Variants in SYNJ2BP observed in about 807,000 individuals in gnomAD.
SYNJ2BP encodes synaptojanin 2 binding protein.
SYNJ2BP carries 10 observed loss-of-function variants against 16.9 expected under a neutral mutation model. That is an observed-to-expected ratio of 0.59 (90% CI 0.36 to 1.00). The LOEUF is 1.00. Among genes scored for constraint, SYNJ2BP ranks in the 50% least tolerant of loss-of-function variants. The pLI is 0.01. For synonymous variants in SYNJ2BP, 54 were observed against 68.4 expected (o/e 0.79, Z 1.04); for missense variants, 162 against 186.7 (o/e 0.87, Z 0.77).
chr14:70,405,937 T>C (rs1365377275), intron 1 of SYNJ2BP, among the ~76,000 whole-genome samples: 1 of 152,244 alleles, frequency 6.6e-6, no homozygotes, highest in Non-Finnish European at 1.5e-5. Flanking sequence ...CTTTCAATTA[T>C]CACCTTGACT....
At chr14:70,375,539 C>G (rs1421473800) in intron 3 of SYNJ2BP, 137 bp downstream of exon 3, 2 of 1,113,200 alleles carry the variant, frequency 1.8e-6, no homozygotes, top group African/African-American at 3.2e-5. Context: ...CCAATGGACC[C>G]CTCCCTTTGC....
chr14:70,411,107 G>GA (rs922674484), intron 1 of SYNJ2BP, among the ~76,000 whole-genome samples: 9 of 151,336 alleles, frequency 5.9e-5, no homozygotes, highest in East Asian at 1.9e-4. Flanking sequence ...AAAGCATATA[G>GA]AAAAAAAAAG....
chr14:70,370,539 C>A lies in SYNJ2BP; in HGVS notation c.*2452G>T, dbSNP rs17566814. The A allele has an allele frequency of 0.071, 10,883 of 152,224 alleles. 557 individuals carry two copies. The highest frequency in any genetic ancestry group is 0.11 in the Non-Finnish European group (7,251 of 68,020). The allele number at this position is 152,224 out of a possible 1,614,324, so 9.4% of individuals were successfully genotyped here. ...GTTTCTCCCTATACCAGTAGTGACC[C>A]AGAGGCAAGGTCTTACCGGACCTCT... is the stretch of plus-strand genomic sequence containing the variant. On this transcript the variant is annotated 3_prime_UTR_variant, in exon 4 of 4. Coordinates refer to ENST00000256366, the MANE Select transcript of SYNJ2BP (RefSeq NM_018373.3).
chr14:70,376,734 A>C (rs1363135295), intron 2 of SYNJ2BP, among the ~76,000 whole-genome samples: 1 of 152,208 alleles, frequency 6.6e-6, no homozygotes. Context: ...AAGCTCAGTG[A>C]GATTTGTGCT....
chr14:70,395,239 T>A (rs913101555), intron 1 of SYNJ2BP, among the ~76,000 whole-genome samples: 4 of 152,224 alleles, frequency 2.6e-5, no homozygotes, highest in Non-Finnish European at 5.9e-5. Context: ...TCATTCAGAT[T>A]CTTATCTACA....
intron 1 of SYNJ2BP, among the ~76,000 whole-genome samples, chr14:70,395,279 G>A (rs1463952128): frequency 6.6e-6 from 1 of 152,192 alleles, no homozygotes. Context: ...TAAATGACCA[G>A]TGTTAACCTG....
At chr14:70,406,914 A>G (rs1475431955) in intron 1 of SYNJ2BP, among the ~76,000 whole-genome samples, 1 of 152,150 alleles carries the variant, frequency 6.6e-6, no homozygotes, top group Non-Finnish European at 1.5e-5. Context: ...CTCTTTCTCT[A>G]TTGCAATTCC....
intron 1 of SYNJ2BP, among the ~76,000 whole-genome samples, chr14:70,411,729 G>T (rs190666000): frequency 6.6e-6 from 1 of 152,294 alleles, no homozygotes; most frequent in East Asian, 1.9e-4. Flanking sequence ...CCATTTTAAT[G>T]GTTCTCAGCA....
At position 70,416,953 on chromosome 14, in the gene SYNJ2BP, C is replaced by T. The variant is rs200112970; in HGVS notation, c.11G>A (p.Arg4Lys). The T allele has an allele frequency of 1.8e-4, 291 of 1,614,066 alleles. No homozygotes were observed. Among genetic ancestry groups the T allele is most frequent in the Non-Finnish European group, 2.0e-4 (235 of 1,180,044 alleles). Residue 4 changes from arginine (R) to lysine (K), a missense_variant, in exon 1 of 4, where the codon AGA (arginine) becomes AAA (lysine). Transcript: ENST00000256366. ...TTCCTCAGTGACCAAATAATCCACT[C>T]TTCCGTTCATGTTTTACAGCTCGTC... MNG[R>K]VDYLVTEEEI...
chr14:70,395,479 C>G (rs989436625), intron 1 of SYNJ2BP, among the ~76,000 whole-genome samples: 1 of 150,080 alleles, frequency 6.7e-6, no homozygotes, highest in Non-Finnish European at 1.5e-5. Context: ...GATACACAAC[C>G]CCCCTGTCTG....
chr14:70,415,070 G>A (rs1888572165), intron 1 of SYNJ2BP, among the ~76,000 whole-genome samples: 1 of 152,012 alleles, frequency 6.6e-6, no homozygotes, highest in Non-Finnish European at 1.5e-5. Context: ...CAGGCATGAT[G>A]GCTCATGACT....
At chr14:70,390,407 G>A (rs556992156) in intron 1 of SYNJ2BP, among the ~76,000 whole-genome samples, 72 of 152,096 alleles carry the variant, frequency 4.7e-4, no homozygotes, top group African/African-American at 1.5e-3. Context: ...GGTGGCTCAC[G>A]ACTGTAATCC....
At chr14:70,385,643 AG>A (rs1887845378) in intron 2 of SYNJ2BP, among the ~76,000 whole-genome samples, 1 of 152,198 alleles carries the variant, frequency 6.6e-6, no homozygotes, top group Admixed American at 6.5e-5. Context: ...AGCCTCCCAA[AG>A]TGCTGGGATT....
chr14:70,410,731 G>T (rs931228232), intron 1 of SYNJ2BP, among the ~76,000 whole-genome samples: 1 of 152,176 alleles, frequency 6.6e-6, no homozygotes, highest in African/African-American at 2.4e-5. Flanking sequence ...GGATGCAGCT[G>T]GAGGCCATTA....
chr14:70,402,253 C>T (rs1296571003), intron 1 of SYNJ2BP, among the ~76,000 whole-genome samples: 1 of 152,166 alleles, frequency 6.6e-6, no homozygotes, highest in East Asian at 1.9e-4. Flanking sequence ...TGGTAAGTCA[C>T]TGACAAGAGC....
intron 1 of SYNJ2BP, among the ~76,000 whole-genome samples, chr14:70,413,617 GAC>G (rs1394148016): frequency 2.0e-5 from 3 of 152,200 alleles, no homozygotes; most frequent in Non-Finnish European, 4.4e-5. Context: ...CCACCCTGGT[GAC>G]AGAGTGAGAC....
chr14:70,390,079 G>C (rs1887947051), intron 1 of SYNJ2BP, among the ~76,000 whole-genome samples: 1 of 152,076 alleles, frequency 6.6e-6, no homozygotes, highest in South Asian at 2.1e-4. Flanking sequence ...AAAAGAGAAG[G>C]AAAGAAAACT....
chr14:70,382,672 A>G (rs528373953), intron 2 of SYNJ2BP, among the ~76,000 whole-genome samples: 4 of 152,358 alleles, frequency 2.6e-5, no homozygotes, highest in African/African-American at 9.6e-5. Flanking sequence ...TCATGACATA[A>G]TAAGGTTTAT....
chr14:70,382,061 C>G (rs1470127195), intron 2 of SYNJ2BP, among the ~76,000 whole-genome samples: 1 of 152,084 alleles, frequency 6.6e-6, no homozygotes, highest in Non-Finnish European at 1.5e-5. Flanking sequence ...ATGGTGAAAC[C>G]CTGTCTCTAC....
Sources: gnomAD v4.1 joint callset for allele counts (sites outside exome capture counted in the v4.1 genomes callset) on GRCh38, gnomAD v4.1.1 for gene constraint, MANE v1.5 for transcripts, NCBI Gene and HGNC (gene_info 2026-07-23, HGNC 2026-07-21) for gene names.